The following NAV1 variants were observed in gnomAD, a reference collection of about 807,000 sequenced individuals.
NAV1 encodes the protein pore membrane and/or filament interacting like protein 3.
A neutral mutation model predicts 175.2 loss-of-function variants in NAV1; 18 were observed. That is an observed-to-expected ratio of 0.10 (90% confidence interval 0.07 to 0.15). The LOEUF (loss-of-function observed/expected upper bound fraction) is 0.15. NAV1 is among the 10% of genes least tolerant of loss of function. The pLI is 1.00. For synonymous variants in NAV1, 897 were observed against 978.7 expected (o/e 0.92, Z 1.56); for missense variants, 1,731 against 2,436.6 (o/e 0.71, Z 6.10).
At chr1:201,546,197 G>A (rs989355811) in intron 1 of NAV1, among the ~76,000 whole-genome samples, 4 of 152,234 alleles carry the variant, frequency 2.6e-5, no homozygotes, top group Admixed American at 2.0e-4. Flanking sequence ...CTTCCCCAGA[G>A]CTTCAGGAAG....
At chr1:201,617,349 C>T (rs1668034961) in intron 2 of NAV1, among the ~76,000 whole-genome samples, 1 of 152,160 alleles carries the variant, frequency 6.6e-6, no homozygotes, top group Non-Finnish European at 1.5e-5. Context: ...GCCCTTGAGA[C>T]TCCCCAGACA....
intron 3 of NAV1, among the ~76,000 whole-genome samples, chr1:201,779,342 A>G (rs1206267254): frequency 6.6e-6 from 1 of 151,934 alleles, no homozygotes; most frequent in African/African-American, 2.4e-5. Context: ...CTATAATCCC[A>G]GCACTTTGGG....
At chr1:201,649,789 G>T (rs1198651163) in intron 1 of NAV1, among the ~76,000 whole-genome samples, 2 of 152,220 alleles carry the variant, frequency 1.3e-5, no homozygotes, top group Non-Finnish European at 2.9e-5. Flanking sequence ...GGTGTGGCCT[G>T]CGCTTGACAG....
At chr1:201,575,799 G>T (rs139886374) in intron 1 of NAV1, among the ~76,000 whole-genome samples, 1 of 152,174 alleles carries the variant, frequency 6.6e-6, no homozygotes, top group Admixed American at 6.5e-5. Flanking sequence ...TGAAGAGAGA[G>T]AGACTGTAGG....
exon 1 of NAV1, chr1:201,648,831 G>A: frequency 6.3e-7 from 1 of 1,598,428 alleles, no homozygotes. Context: ...CGGCGGCGGC[G>A]GCATGGCCAA....
chr1:201,820,039 G>A, exon 30 of NAV1: 1 of 1,058,354 alleles, frequency 9.4e-7, no homozygotes, highest in Non-Finnish European at 1.4e-6. Flanking sequence ...CCAGCCCCAG[G>A]AGGAGAACAG....
chr1:201,588,451 G>A (rs148898046), intron 1 of NAV1, among the ~76,000 whole-genome samples, 88 bp from the exon 2 acceptor site: 1 of 151,788 alleles, frequency 6.6e-6, no homozygotes, highest in Non-Finnish European at 1.5e-5. Flanking sequence ...GGGCTCAAGC[G>A]ATCCTCCCAC....
At chr1:201,638,255 A>C (rs1478730904) in intron 2 of NAV1, among the ~76,000 whole-genome samples, 3 of 152,230 alleles carry the variant, frequency 2.0e-5, no homozygotes, top group African/African-American at 7.2e-5. Flanking sequence ...TGTCAGGTCC[A>C]CTAAAAGTGG....
intron 1 of NAV1, among the ~76,000 whole-genome samples, chr1:201,546,931 T>C (rs1665689999): frequency 6.6e-6 from 1 of 151,388 alleles, no homozygotes; most frequent in African/African-American, 2.4e-5. Flanking sequence ...AGTAATTTGT[T>C]GACATCATGA....
chr1:201,785,337 C>T, exon 8 of NAV1: 3 of 1,610,328 alleles, frequency 1.9e-6, no homozygotes, highest in South Asian at 1.1e-5. Context: ...ACACTCTTCC[C>T]AAGAAAGGGC....
At chr1:201,795,316 T>C (rs187224171) in intron 15 of NAV1, 3 of 152,382 alleles carry the variant, frequency 2.0e-5, no homozygotes, top group African/African-American at 7.2e-5. Context: ...CCCCACTCCA[T>C]GCGTTTATAT....
At chr1:201,754,995 AC>A (rs747892496) in intron 3 of NAV1, among the ~76,000 whole-genome samples, 57 of 152,308 alleles carry the variant, frequency 3.7e-4, no homozygotes, top group Middle Eastern at 3.4e-3. Flanking sequence ...CAGAGGAATG[AC>A]TTTAGATAAT....
At chr1:201,815,387 T>C (rs1440418605) in intron 28 of NAV1, among the ~76,000 whole-genome samples, 1 of 151,500 alleles carries the variant, frequency 6.6e-6, no homozygotes, top group Admixed American at 6.6e-5. Flanking sequence ...TAAAAAAAGG[T>C]GGGGTGGTTG....
In NAV1 at chr1:201,711,949, G is replaced by T. The variant is rs61821706; in HGVS notation, c.758-868G>T. Among the ~76,000 whole-genome samples the T allele has an allele frequency of 1.2e-3, 183 of 152,328 alleles. 1 individual carries two copies. Among genetic ancestry groups the T allele is most frequent in the Non-Finnish European group, 2.3e-3 (158 of 68,016 alleles). The stretch of plus-strand genomic sequence containing the variant: ...TATTTTCACCCTGTTTGCTGTTGTA[G>T]ATTCTCATCCGTCCAGGCTAATATC... On this transcript the variant is annotated intron_variant, in intron 1 of 29. Transcript: ENST00000367296.
Position 201,790,681 on chromosome 1 carries a change from T to C in NAV1, c.3244-8T>C, listed in dbSNP as rs750230775. ...AGCCAGTAGTTTGTATTTCTCTTCC[T>C]TTTACAGCAAATCCGGAAGCTTCGT... is the stretch of plus-strand genomic sequence containing the variant. On this transcript the variant is annotated splice_polypyrimidine_tract_variant and splice_region_variant and intron_variant, in intron 12 of 29. Coordinates refer to ENST00000367296, the Ensembl canonical transcript of NAV1. 1.2e-6 allele frequency: 2 copies of C among 1,614,050 alleles called. No homozygotes were observed. The highest frequency in any genetic ancestry group is 1.7e-5 in the Admixed American group (1 of 60,010).
chr1:201,542,312 A>G (rs1325619248), intron 1 of NAV1, among the ~76,000 whole-genome samples: 2 of 152,214 alleles, frequency 1.3e-5, no homozygotes, highest in Non-Finnish European at 2.9e-5. Context: ...TATCTCTGTG[A>G]TGGAAGCATC....
intron 1 of NAV1, among the ~76,000 whole-genome samples, chr1:201,685,992 A>C (rs549447940): frequency 5.9e-5 from 9 of 152,290 alleles, no homozygotes; most frequent in Admixed American, 2.0e-4. Flanking sequence ...TGTCCCTGTA[A>C]AGGGTACCTG....
chr1:201,598,613 G>C (rs545532024), intron 2 of NAV1, among the ~76,000 whole-genome samples: 98 of 152,332 alleles, frequency 6.4e-4, no homozygotes, highest in Admixed American at 1.9e-3. Flanking sequence ...GCTTCGCCTG[G>C]AATAGGAGCA....
At position 201,812,107 on chromosome 1, in the gene NAV1, A is replaced by T. The variant is rs1471418365; in HGVS notation, c.5024+133A>T. Reference sequence around the variant, plus strand: ...GCTTTTTGGGCTGGAAATAGAAAGTAGATGTATTTGTCATGTCAGTTACAA... The same window carrying T: ...GCTTTTTGGGCTGGAAATAGAAAGTTGATGTATTTGTCATGTCAGTTACAA... On this transcript the variant is annotated intron_variant, in intron 26 of 29. Coordinates refer to ENST00000367296, the Ensembl canonical transcript of NAV1. This position sits in a 1 kb window ranked among gnomAD's most constrained non-coding sequence, Gnocchi z 4.6. 1.1e-6 allele frequency: 1 copy of T among 877,384 alleles called. No homozygotes were observed. The highest frequency in any genetic ancestry group is 1.9e-6 in the Non-Finnish European group (1 of 539,224). 54.3% of individuals were successfully genotyped at this position (877,384 alleles called of 1,614,324 possible).
Sources: allele counts gnomAD v4.1 joint callset (sites outside exome capture counted in the v4.1 genomes callset), GRCh38; gene constraint gnomAD v4.1.1; non-coding constraint Gnocchi (gnomAD v3.1); transcripts MANE v1.5; gene names NCBI Gene and HGNC (gene_info 2026-07-23, HGNC 2026-07-21).